Variants in TRANK1 observed in about 807,000 individuals in gnomAD.
TRANK1 encodes the protein TPR and ankyrin repeat-containing protein 1.
TRANK1 carries 198 observed loss-of-function variants against 266.0 expected under a neutral mutation model. The observed-to-expected ratio is 0.74, with a 90% CI of 0.66 to 0.84. The LOEUF (loss-of-function observed/expected upper bound fraction) is 0.84, where lower values mean the gene tolerates loss of function less well. Ranked by LOEUF, TRANK1 falls within the 40% of genes least tolerant of loss-of-function variation. The pLI is 0.00. For missense variants in TRANK1, 3,326 were observed against 3,634.6 expected (o/e 0.92, Z 2.18); for synonymous variants, 1,396 against 1,384.1 (o/e 1.01, Z -0.19).
At chr3:36,929,811 C>T (rs1440654975) in intron 1 of TRANK1, among the ~76,000 whole-genome samples, 1 of 152,240 alleles carries the variant, frequency 6.6e-6, no homozygotes, top group South Asian at 2.1e-4. Flanking sequence ...ATGACAAGAA[C>T]TCTTTGACTG....
chr3:36,841,867 A>G (rs2078848554), intron 18 of TRANK1, among the ~76,000 whole-genome samples: 1 of 150,764 alleles, frequency 6.6e-6, no homozygotes. Flanking sequence ...TGCAGAACCA[A>G]CCCTAAGACC....
rs113238355 is a variant in TRANK1, at chr3:36,928,796, T to TA, written c.23+15990dup. ...TATGGAGAAAAAACAAAACTTTACT[T>TA]AAAAAAAAAGTATTTTTAAAATACT... On this transcript the variant is annotated intron_variant, in intron 1 of 23. Coordinates refer to ENST00000645898, the MANE Select transcript of TRANK1 (RefSeq NM_001329998.2). Among the ~76,000 whole-genome samples, 8 of 151,436 alleles carry TA rather than the reference T, an allele frequency of 5.3e-5. No individual in the cohort carries two copies. In the South Asian group the frequency reaches 6.3e-4, roughly 12 times the overall value.
intron 1 of TRANK1, among the ~76,000 whole-genome samples, chr3:36,912,975 G>C (rs2080073116): frequency 6.6e-6 from 1 of 151,780 alleles, no homozygotes; most frequent in Non-Finnish European, 1.5e-5. Flanking sequence ...GATTAACTCG[G>C]GAATGCTGGC....
At chr3:36,873,165 G>A (rs901286888) in intron 9 of TRANK1, among the ~76,000 whole-genome samples, 7 of 152,194 alleles carry the variant, frequency 4.6e-5, no homozygotes, top group Non-Finnish European at 8.8e-5. Flanking sequence ...GCAGGGGGGA[G>A]TGTAACTTAC....
chr3:36,892,395 C>A, intron 6 of TRANK1, 55 bp from the exon 7 acceptor site: 1 of 1,526,116 alleles, frequency 6.6e-7, no homozygotes, highest in Non-Finnish European at 8.8e-7. Flanking sequence ...CAATATGAAG[C>A]TTCAAACTCC....
Position 36,899,226 on chromosome 3 carries a change from A to G in TRANK1, c.316T>C (p.Leu106=). The change falls in exon 4 of 24, where the codon TTG becomes CTG. Residue 106 remains leucine (L), a synonymous_variant. Coordinates refer to ENST00000645898, the MANE Select transcript of TRANK1 (RefSeq NM_001329998.2). ...CGAGCGGCTTCGTAAGGCTGGTGCA[A>G]CCTCAGCAAGGAATAACCAGCTCGG... ...YYRAGYSLLR[L]HQPYEAARMF... is the part of the protein sequence containing the mutation. 1 of 1,537,326 alleles carries G rather than the reference A, an allele frequency of 6.5e-7. No individual in the cohort carries two copies. The highest frequency in any genetic ancestry group is 8.7e-7 in the Non-Finnish European group (1 of 1,146,932).
chr3:36,929,025 G>C (rs2080325666), intron 1 of TRANK1, among the ~76,000 whole-genome samples: 1 of 152,066 alleles, frequency 6.6e-6, no homozygotes, highest in Admixed American at 6.5e-5. Context: ...GAAGTATCAA[G>C]AGGGAATCTT....
rs183228906 is a variant in TRANK1, at chr3:36,893,642, A to C, written c.553-658T>G. Reference sequence around the variant, plus strand: ...GACCCTATCTAAAGTTGCTGAAGAGACTAAATCCCAGAGAAGTTAAGCCAG... The same window carrying C: ...GACCCTATCTAAAGTTGCTGAAGAGCCTAAATCCCAGAGAAGTTAAGCCAG... On this transcript the variant is annotated intron_variant, in intron 5 of 23. Coordinates refer to ENST00000645898, the MANE Select transcript of TRANK1 (RefSeq NM_001329998.2). 6.3e-3 allele frequency among the ~76,000 whole-genome samples: 957 copies of C among 152,314 alleles called. 18 individuals carry two copies. Among genetic ancestry groups the C allele is most frequent in the Non-Finnish European group, 8.5e-3 (581 of 68,030 alleles).
rs2078863167 is a variant in TRANK1, at chr3:36,842,667, C to A, written c.5235G>T (p.Glu1745Asp). Reference protein sequence around the residue: ...SMFVKTSTPAEWIAQGDYYAK... With the variant: ...SMFVKTSTPADWIAQGDYYAK... ...CGTAGTAATCTCCCTGTGCAATCCA[C>A]TCCGCAGGAGTTGAGGTCTTAACGA... is the stretch of plus-strand genomic sequence containing the variant. The change falls in exon 18 of 24, where the codon GAG becomes GAT. Residue 1745 changes from glutamate (E) to aspartate (D), a missense_variant. Transcript: ENST00000645898. The A allele has an allele frequency of 6.2e-7, 1 of 1,614,020 alleles. No individual in the cohort carries two copies. Among genetic ancestry groups the A allele is most frequent in the African/African-American group, 1.3e-5 (1 of 75,062 alleles).
rs900062504 is a variant in TRANK1, at chr3:36,852,399, T to G, written c.4550-54A>C. The G allele has an allele frequency of 2.0e-6, 3 of 1,470,264 alleles. No individual in the cohort carries two copies. In the African/African-American group the frequency reaches 4.3e-5, roughly 21 times the overall value. 91.1% of individuals were successfully genotyped at this position (1,470,264 alleles called of 1,614,324 possible). ...ATAATTAACAACATGGCTGAGTTTT[T>G]TGGTTATTTGGGGTGGGGGACATGT... On this transcript the variant is annotated intron_variant, in intron 13 of 23. Coordinates refer to ENST00000645898, the MANE Select transcript of TRANK1 (RefSeq NM_001329998.2).
chr3:36,868,423 C>A (rs1466961844), intron 9 of TRANK1, among the ~76,000 whole-genome samples: 6 of 152,120 alleles, frequency 3.9e-5, no homozygotes, highest in African/African-American at 1.2e-4. Context: ...AAAAGCTCTT[C>A]TGAAGTTGCA....
Position 36,864,497 on chromosome 3 carries a change from G to A in TRANK1, c.1079-17C>T. On this transcript the variant is annotated splice_polypyrimidine_tract_variant and intron_variant, in intron 9 of 23. Transcript: ENST00000645898. ...TGCTGAATCCTACAAAACAGCACCA[G>A]GTAATGCTTCTGAATACAGAAATTG... 2 of 1,504,888 alleles carry A rather than the reference G, an allele frequency of 1.3e-6. No individual in the cohort carries two copies. Among genetic ancestry groups the A allele is most frequent in the South Asian group, 2.5e-5 (2 of 78,444 alleles). The allele number at this position is 1,504,888 out of a possible 1,614,324, so 93.2% of individuals were successfully genotyped here. A position where few individuals can be genotyped will look rare whatever the true frequency, so the allele number is the denominator to read the frequency against.
intron 1 of TRANK1, among the ~76,000 whole-genome samples, chr3:36,929,895 G>A (rs891231956): frequency 1.1e-4 from 17 of 151,870 alleles, no homozygotes; most frequent in Non-Finnish European, 2.9e-5. Context: ...TGTTGTTGTT[G>A]TTGTTGTTGT....
intron 18 of TRANK1, among the ~76,000 whole-genome samples, chr3:36,840,625 G>A (rs1387446118): frequency 6.6e-6 from 1 of 152,200 alleles, no homozygotes; most frequent in Non-Finnish European, 1.5e-5. Context: ...AGGCCTCAAG[G>A]GGCCTTGTGT....
In TRANK1 at chr3:36,831,955, A is replaced by G. The variant is rs1398721063; in HGVS notation, c.7628T>C (p.Val2543Ala). Residue 2543 changes from valine to alanine, a missense_variant, in exon 22 of 24, where the codon GTC becomes GCC. By Grantham distance (64) the Val-to-Ala change is moderately conservative. Coordinates refer to ENST00000645898, the MANE Select transcript of TRANK1 (RefSeq NM_001329998.2). This position sits in a 1 kb window ranked among gnomAD's most constrained non-coding sequence, Gnocchi z 5.0. ...LCGYENVNFN[V>A]LLDAFSEIDY... is the part of the protein sequence containing the mutation. ...TATTTCACTGAAGGCATCAAGCAGGACGTTGAAGTTCACATTCTCATAGCC... is the reference window on the plus strand; with the variant it reads ...TATTTCACTGAAGGCATCAAGCAGGGCGTTGAAGTTCACATTCTCATAGCC... 6.2e-7 allele frequency: 1 copy of G among 1,613,918 alleles called. No individual in the cohort carries two copies. Among genetic ancestry groups the G allele is most frequent in the African/African-American group, 1.3e-5 (1 of 74,934 alleles).
At chr3:36,886,821 T>A (rs1193422556) in intron 8 of TRANK1, among the ~76,000 whole-genome samples, 27 of 151,922 alleles carry the variant, frequency 1.8e-4, no homozygotes, top group Non-Finnish European at 2.9e-5. Flanking sequence ...CTGAGGTAGA[T>A]CTTGAAAGCT....
intron 8 of TRANK1, among the ~76,000 whole-genome samples, chr3:36,887,637 C>T (rs2079626286): frequency 1.3e-5 from 2 of 152,268 alleles, no homozygotes; most frequent in South Asian, 2.1e-4. Context: ...GCTCATCAGC[C>T]ATCGTTAGCG....
In TRANK1 at chr3:36,826,988, GGAAGA is replaced by G. The variant is rs2078638988; in HGVS notation, c.*1282_*1286del. On this transcript the variant is annotated 3_prime_UTR_variant, in exon 24 of 24. Transcript: ENST00000645898. The stretch of plus-strand genomic sequence containing the variant: ...TCAAGGAAACAATTTGGAAAGATAA[GGAAGA>G]GAAAACAACAAGCAGCATGAGCAGC... 6.6e-6 allele frequency: 1 copy of G among 152,122 alleles called. No individual in the cohort carries two copies. 9.4% of individuals were successfully genotyped at this position (152,122 alleles called of 1,614,324 possible).
intron 1 of TRANK1, among the ~76,000 whole-genome samples, chr3:36,926,819 G>A (rs750423377): frequency 2.0e-5 from 3 of 152,160 alleles, no homozygotes; most frequent in Non-Finnish European, 4.4e-5. Context: ...AACAAGGGTC[G>A]AAACTGGGCA....
Sources: allele counts gnomAD v4.1 joint callset (sites outside exome capture counted in the v4.1 genomes callset), GRCh38; gene constraint gnomAD v4.1.1; non-coding constraint Gnocchi (gnomAD v3.1); transcripts MANE v1.5; gene names NCBI Gene and HGNC (gene_info 2026-07-23, HGNC 2026-07-21).